METTL15: variants seen among roughly 807,000 people sequenced by gnomAD.
METTL15 encodes the protein 12S rRNA N(4)-cytidine methyltransferase METTL15.
In METTL15, 34 loss-of-function variants were observed where a neutral mutation model predicts 38.3. The observed-to-expected ratio is 0.89, with a 90% CI of 0.68 to 1.18. The LOEUF (loss-of-function observed/expected upper bound fraction) is 1.18, where lower values mean the gene tolerates loss of function less well. Ranked by LOEUF, METTL15 falls within the 50% of genes most tolerant of loss-of-function variation. The pLI, the probability that METTL15 is intolerant of heterozygous loss-of-function variation, is 0.00. For synonymous variants in METTL15, 162 were observed against 170.9 expected (o/e 0.95, Z 0.41); for missense variants, 438 against 498.4 (o/e 0.88, Z 1.15).
intron 5 of METTL15, among the ~76,000 whole-genome samples, chr11:28,411,631 A>T (rs1349121620): frequency 3.2e-4 from 1 of 3,138 alleles, no homozygotes; most frequent in Non-Finnish European, 5.8e-4. Context: ...TGAAGCTCTA[A>T]AATTCCTAGA....
intron 6 of METTL15, among the ~76,000 whole-genome samples, chr11:28,456,733 C>A (rs560746751): frequency 6.6e-6 from 1 of 152,280 alleles, no homozygotes; most frequent in African/African-American, 2.4e-5. Context: ...AGCCACCGCA[C>A]CTGGCCACAG....
chr11:28,173,507 G>C (rs1411306709), intron 3 of METTL15, among the ~76,000 whole-genome samples: 2 of 152,104 alleles, frequency 1.3e-5, no homozygotes, highest in African/African-American at 4.8e-5. Flanking sequence ...CCTGGTTTAT[G>C]GTAGTTTGTT....
chr11:28,245,022 T>C (rs750136118), intron 4 of METTL15, among the ~76,000 whole-genome samples: 2 of 152,214 alleles, frequency 1.3e-5, no homozygotes, highest in Non-Finnish European at 2.9e-5. Flanking sequence ...GATCTGAAGA[T>C]AGGCAGGTCT....
intron 3 of METTL15, among the ~76,000 whole-genome samples, chr11:28,117,259 G>GTGTGTGTATATATA (rs1353342377): frequency 9.2e-6 from 1 of 108,588 alleles, no homozygotes; most frequent in African/African-American, 3.6e-5. Flanking sequence ...GTGTGTGTGT[G>GTGTGTGTATATATA]TATATATATA....
intron 3 of METTL15, among the ~76,000 whole-genome samples, chr11:28,177,307 G>T (rs865779049): frequency 2.6e-5 from 4 of 151,966 alleles, no homozygotes; most frequent in Non-Finnish European, 4.4e-5. Flanking sequence ...CAATTGAAAA[G>T]ATTTAGTAGA....
intron 6 of METTL15, among the ~76,000 whole-genome samples, chr11:28,317,750 A>G (rs1857530790): frequency 6.6e-6 from 1 of 152,210 alleles, no homozygotes; most frequent in South Asian, 2.1e-4. Flanking sequence ...TATTATATGT[A>G]GTGCAGACTG....
At chr11:28,263,588 A>G (rs1855295533) in intron 4 of METTL15, among the ~76,000 whole-genome samples, 1 of 152,062 alleles carries the variant, frequency 6.6e-6, no homozygotes, top group Non-Finnish European at 1.5e-5. Flanking sequence ...ATTTCTTTCC[A>G]TTAGAAAGAT....
rs1849426741 is a variant in METTL15, at chr11:28,320,451, T to C, written c.779-9945T>C. On this transcript the variant is annotated intron_variant, in intron 6 of 6. Coordinates refer to ENST00000407364, the MANE Select transcript of METTL15 (RefSeq NM_001113528.2). ...GGTGCTCACCTATAGTCCCAGCTAT[T>C]CAGGGGGCTAAGATGGGAGGATCAC... Among the ~76,000 whole-genome samples, 3 of 151,910 alleles carry C rather than the reference T, an allele frequency of 2.0e-5. 1 individual carries two copies. In the South Asian group the frequency reaches 6.2e-4, roughly 31 times the overall value.
intron 3 of METTL15, among the ~76,000 whole-genome samples, chr11:28,178,827 A>G (rs1851174461): frequency 6.6e-6 from 1 of 151,814 alleles, no homozygotes; most frequent in Non-Finnish European, 1.5e-5. Context: ...AATATTCCTT[A>G]TAGGTTTCGT....
chr11:28,224,446 AAGTACT>A (rs2133870740), intron 4 of METTL15, among the ~76,000 whole-genome samples: 1 of 152,058 alleles, frequency 6.6e-6, no homozygotes, highest in South Asian at 2.1e-4. Flanking sequence ...AAATGCAGGA[AAGTACT>A]GAGAAAAAAT....
At chr11:28,377,752 C>A (rs1187637019) in intron 5 of METTL15, among the ~76,000 whole-genome samples, 1 of 152,036 alleles carries the variant, frequency 6.6e-6, no homozygotes, top group Non-Finnish European at 1.5e-5. Context: ...TTAGAGTTTC[C>A]AGTTTTTCTG....
chr11:28,213,204 A>C (rs1445612446), intron 4 of METTL15, among the ~76,000 whole-genome samples: 1 of 152,220 alleles, frequency 6.6e-6, no homozygotes, highest in African/African-American at 2.4e-5. Context: ...AAATTAGATA[A>C]GAACAAGGAA....
chr11:28,276,255 T>C (rs1430277462), intron 4 of METTL15, among the ~76,000 whole-genome samples: 1 of 152,096 alleles, frequency 6.6e-6, no homozygotes, highest in African/African-American at 2.4e-5. Flanking sequence ...AGTTTCAGGA[T>C]ACAAAATTAG....
At chr11:28,365,422 T>C (rs1432107210) in intron 5 of METTL15, among the ~76,000 whole-genome samples, 1 of 152,208 alleles carries the variant, frequency 6.6e-6, no homozygotes, top group African/African-American at 2.4e-5. Flanking sequence ...TTTCTAAGAA[T>C]GTATGCATGT....
chr11:28,187,800 T>C (rs960380818), intron 3 of METTL15, among the ~76,000 whole-genome samples: 2 of 151,054 alleles, frequency 1.3e-5, no homozygotes, highest in African/African-American at 4.8e-5. Context: ...ATTTGAAATG[T>C]TGCAAATGGT....
At chr11:28,500,513 T>C (rs1025312604) in intron 6 of METTL15, among the ~76,000 whole-genome samples, 3 of 152,098 alleles carry the variant, frequency 2.0e-5, no homozygotes, top group African/African-American at 7.2e-5. Context: ...GCATATGCAA[T>C]GTGAGCAATA....
intron 3 of METTL15, among the ~76,000 whole-genome samples, chr11:28,192,132 G>T (rs1045185268): frequency 1.3e-5 from 2 of 151,570 alleles, no homozygotes; most frequent in Non-Finnish European, 3.0e-5. Flanking sequence ...CATGTCTTTG[G>T]TATCTTGTGA....
chr11:28,448,226 GA>G (rs1851090906), intron 6 of METTL15, among the ~76,000 whole-genome samples: 4 of 152,196 alleles, frequency 2.6e-5, no homozygotes, highest in Admixed American at 1.3e-4. Context: ...CATAGACCCT[GA>G]GATTTTCCCA....
intron 3 of METTL15, among the ~76,000 whole-genome samples, chr11:28,176,336 A>G (rs1851073835): frequency 6.6e-6 from 1 of 152,108 alleles, no homozygotes; most frequent in Non-Finnish European, 1.5e-5. Context: ...GTATTTTGTC[A>G]TATTTAGCAA....
Sources: gnomAD v4.1 joint callset for allele counts (sites outside exome capture counted in the v4.1 genomes callset) on GRCh38, gnomAD v4.1.1 for gene constraint, MANE v1.5 for transcripts, NCBI Gene and HGNC (gene_info 2026-07-23, HGNC 2026-07-21) for gene names.